LPP: variants seen among roughly 807,000 people sequenced by gnomAD.
LPP encodes the protein lipoma-preferred partner.
A neutral mutation model predicts 60.4 loss-of-function variants in LPP; 38 were observed. The observed-to-expected ratio is 0.63, with a 90% CI of 0.49 to 0.83. The LOEUF (loss-of-function observed/expected upper bound fraction) is 0.83, where lower values mean the gene tolerates loss of function less well. Among genes scored for constraint, LPP ranks in the 40% least tolerant of loss-of-function variants. LPP has a pLI of 0.00. For synonymous variants in LPP, 328 were observed against 290.8 expected, an observed-to-expected ratio of 1.13 and a Z score of -1.30; for missense variants, 902 against 783.6, an observed-to-expected ratio of 1.15 and a Z score of -1.80.
chr3:188,527,754 CT>C (rs71169007), intron 6 of LPP, among the ~76,000 whole-genome samples: 114 of 144,518 alleles, frequency 7.9e-4, no homozygotes, highest in African/African-American at 1.6e-3. Context: ...GCTCCCTTTC[CT>C]TTTTTTTTTT....
chr3:188,769,674 G>T (rs1034821739), intron 9 of LPP, among the ~76,000 whole-genome samples: 2 of 152,120 alleles, frequency 1.3e-5, no homozygotes, highest in Non-Finnish European at 2.9e-5. Context: ...ATTTATTAAC[G>T]GCAGAGGTGG....
At chr3:188,361,545 C>CCCTCTCCTCTCCTCT (rs1173978169) in intron 3 of LPP, among the ~76,000 whole-genome samples, 2 of 64,690 alleles carry the variant, frequency 3.1e-5, no homozygotes, top group African/African-American at 7.3e-5. Flanking sequence ...TCCTCTCCTC[C>CCCTCTCCTCTCCTCT]CCTCTCCTCT....
intron 9 of LPP, among the ~76,000 whole-genome samples, chr3:188,783,733 A>T (rs1288551050): frequency 3.9e-5 from 6 of 152,026 alleles, no homozygotes; most frequent in Non-Finnish European, 5.9e-5. Flanking sequence ...AAAGAAAAAA[A>T]AATCCTGCCT....
Position 188,291,732 on chromosome 3 carries a change from C to T in LPP, c.-66-49931C>T, listed in dbSNP as rs529447582. On this transcript the variant is annotated intron_variant, in intron 2 of 11. Transcript: ENST00000617246. ...TTGTAGCTTTCAAAACACTTAAGTA[C>T]CCATTTTCTTATGTGTGCTTTATGA... Among the ~76,000 whole-genome samples the T allele has an allele frequency of 5.3e-5, 8 of 151,620 alleles. 1 individual carries two copies. Among genetic ancestry groups the T allele is most frequent in the African/African-American group, 1.9e-4 (8 of 41,352 alleles).
intron 3 of LPP, among the ~76,000 whole-genome samples, chr3:188,395,680 GTT>G (rs1465985727): frequency 6.6e-6 from 1 of 152,124 alleles, no homozygotes; most frequent in Non-Finnish European, 1.5e-5. Flanking sequence ...AATCTCAGCA[GTT>G]TGGGAGGCCA....
chr3:188,694,982 C>T (rs892077117), intron 7 of LPP, among the ~76,000 whole-genome samples: 13 of 152,140 alleles, frequency 8.5e-5, no homozygotes, highest in Admixed American at 7.2e-4. Context: ...ACTTTTGTTG[C>T]GGTTAAGCAT....
chr3:188,640,374 G>C (rs1488356770), intron 7 of LPP, among the ~76,000 whole-genome samples: 1 of 117,626 alleles, frequency 8.5e-6, no homozygotes, highest in African/African-American at 3.2e-5. Flanking sequence ...GTTGTGGGGT[G>C]GGGGGAGGGG....
chr3:188,154,818 G>A (rs1022549170), intron 1 of LPP, among the ~76,000 whole-genome samples: 15 of 152,336 alleles, frequency 9.8e-5, no homozygotes, highest in African/African-American at 3.1e-4. Flanking sequence ...AGTTGAACCT[G>A]GGAGTCAAAC....
intron 8 of LPP, among the ~76,000 whole-genome samples, chr3:188,730,965 T>C (rs954822343): frequency 1.3e-4 from 20 of 152,310 alleles, no homozygotes; most frequent in Admixed American, 4.6e-4. Flanking sequence ...AGTTCTCCAA[T>C]TGGTAAGGAC....
At chr3:188,480,968 A>G (rs1206426405) in intron 4 of LPP, among the ~76,000 whole-genome samples, 1 of 152,132 alleles carries the variant, frequency 6.6e-6, no homozygotes, top group Non-Finnish European at 1.5e-5. Flanking sequence ...CCTTCTTCTA[A>G]TCATATATAA....
rs1257982271 is a variant in LPP, at chr3:188,607,402, T to C, written c.430-1759T>C. On this transcript the variant is annotated intron_variant, in intron 6 of 11. Transcript: ENST00000617246. ...ATATATATATATATATATATATATA[T>C]ATATATATATATATAATTTTTTTTT... Among the ~76,000 whole-genome samples, 5 of 70,150 alleles carry C rather than the reference T, an allele frequency of 7.1e-5. No homozygotes were observed. In the East Asian group the frequency reaches 5.9e-3, roughly 83 times the overall value. 46.0% of individuals were successfully genotyped at this position (70,150 alleles called of 152,430 possible). A position where few individuals can be genotyped will look rare whatever the true frequency, so the allele number is the denominator to read the frequency against.
rs988898275 is a variant in LPP at position 188,539,846 on chromosome 3, C to T, written c.429+15059C>T. Among the ~76,000 whole-genome samples the T allele has an allele frequency of 2.6e-5, 4 of 152,198 alleles. No individual in the cohort carries two copies. The South Asian group carries it at 6.2e-4, about 24-fold the overall frequency. ...CAGATGGGAGCTCATTTGAATGATG[C>T]TAGGATTTCATGGTACTCCCATTGT... On this transcript the variant is annotated intron_variant, in intron 6 of 11. Coordinates refer to ENST00000617246, the MANE Select transcript of LPP (RefSeq NM_001375462.1).
intron 9 of LPP, among the ~76,000 whole-genome samples, chr3:188,814,479 AT>A (rs529249195): frequency 1.7e-4 from 26 of 152,296 alleles, no homozygotes; most frequent in Non-Finnish European, 2.8e-4. Context: ...AAGTTACAAC[AT>A]TAAGCTTTTC....
intron 2 of LPP, among the ~76,000 whole-genome samples, chr3:188,309,659 A>G (rs1391159016): frequency 6.6e-6 from 1 of 152,196 alleles, no homozygotes; most frequent in Admixed American, 6.5e-5. Flanking sequence ...TTGAGATTGT[A>G]TAATTCGATA....
chr3:188,247,121 A>G, intron 2 of LPP: 2 of 966,984 alleles, frequency 2.1e-6, no homozygotes, highest in Non-Finnish European at 2.5e-6. Flanking sequence ...CATCTGTGAA[A>G]TGGGGTAATG....
At chr3:188,403,932 G>C (rs1320515495) in intron 3 of LPP, among the ~76,000 whole-genome samples, 1 of 152,010 alleles carries the variant, frequency 6.6e-6, no homozygotes, top group African/African-American at 2.4e-5. Context: ...AAAGGTACGG[G>C]GGAAAGAAAA....
chr3:188,675,410 A>C (rs1857824971), intron 7 of LPP, among the ~76,000 whole-genome samples: 1 of 152,200 alleles, frequency 6.6e-6, no homozygotes, highest in African/African-American at 2.4e-5. Context: ...CATACACACA[A>C]AGCAAAGAAG....
chr3:188,426,175 G>T lies in LPP; in HGVS notation c.193+19862G>T, dbSNP rs564022243. ...TGTCTTTATTCTGATTGGTTTCAAAGAACTTATTTATTTCTGCCTTCATTT... is the reference window on the plus strand; with the variant it reads ...TGTCTTTATTCTGATTGGTTTCAAATAACTTATTTATTTCTGCCTTCATTT... On this transcript the variant is annotated intron_variant, in intron 4 of 11. Coordinates refer to ENST00000617246, the MANE Select transcript of LPP (RefSeq NM_001375462.1). Among the ~76,000 whole-genome samples, 3 of 146,918 alleles carry T rather than the reference G, an allele frequency of 2.0e-5. No homozygotes were observed. In the East Asian group the frequency reaches 5.8e-4, roughly 28 times the overall value.
chr3:188,384,789 C>CAAAAAAAAAA (rs561284077), intron 3 of LPP, among the ~76,000 whole-genome samples: 7 of 51,456 alleles, frequency 1.4e-4, no homozygotes, highest in African/African-American at 5.6e-4. Flanking sequence ...GACTCTGTCT[C>CAAAAAAAAAA]AAAAAAAAAA....
Sources: allele counts gnomAD v4.1 joint callset (sites outside exome capture counted in the v4.1 genomes callset), GRCh38; gene constraint gnomAD v4.1.1; transcripts MANE v1.5; gene names NCBI Gene and HGNC (gene_info 2026-07-23, HGNC 2026-07-21).